The following SLC4A10 variants were observed in gnomAD, a reference collection of about 807,000 sequenced individuals.
SLC4A10 encodes sodium-driven chloride bicarbonate exchanger.
Under a neutral mutation model 137.7 loss-of-function variants are expected in SLC4A10, and 42 were observed. That is an observed-to-expected ratio of 0.30 (90% CI 0.24 to 0.39). SLC4A10 has a LOEUF of 0.39. Among genes scored for constraint, SLC4A10 ranks in the 10% least tolerant of loss-of-function variants. The pLI is 1.00. For synonymous variants in SLC4A10, 474 were observed against 464.1 expected (o/e 1.02, Z -0.27); for missense variants, 925 against 1,355.0 (o/e 0.68, Z 4.98).
chr2:161,929,117 G>A (rs928290786), intron 15 of SLC4A10, among the ~76,000 whole-genome samples: 2 of 151,726 alleles, frequency 1.3e-5, no homozygotes, highest in African/African-American at 4.8e-5. Flanking sequence ...ACCATCTTAG[G>A]GAATTCTATT....
At chr2:161,887,067 T>C (rs927209772) in intron 10 of SLC4A10, among the ~76,000 whole-genome samples, 1 of 152,130 alleles carries the variant, frequency 6.6e-6, no homozygotes, top group South Asian at 2.1e-4. Flanking sequence ...CTGTGTTAGT[T>C]TGCTGAGAGT....
At chr2:161,744,038 T>G (rs1026856549) in intron 1 of SLC4A10, among the ~76,000 whole-genome samples, 3 of 152,082 alleles carry the variant, frequency 2.0e-5, no homozygotes, top group Admixed American at 6.6e-5. Flanking sequence ...TTTTGTGGAG[T>G]CTTTACTTTC....
chr2:161,788,136 C>G (rs1442232911), intron 2 of SLC4A10, among the ~76,000 whole-genome samples: 3 of 150,714 alleles, frequency 2.0e-5, no homozygotes, highest in Non-Finnish European at 4.4e-5. Context: ...GATTGTTTGG[C>G]TTCTTTTCTG....
At chr2:161,732,914 A>G (rs569040870) in intron 1 of SLC4A10, among the ~76,000 whole-genome samples, 1 of 152,288 alleles carries the variant, frequency 6.6e-6, no homozygotes, top group African/African-American at 2.4e-5. Flanking sequence ...CCCCTGCCCT[A>G]GTGATTTCTG....
At chr2:161,894,275 A>G (rs556672603) in intron 10 of SLC4A10, among the ~76,000 whole-genome samples, 22 of 152,130 alleles carry the variant, frequency 1.4e-4, no homozygotes, top group Non-Finnish European at 2.6e-4. Flanking sequence ...AAATTAATTT[A>G]TTTATGCCAG....
At chr2:161,668,707 A>G (rs575409889) in intron 1 of SLC4A10, among the ~76,000 whole-genome samples, 2 of 152,034 alleles carry the variant, frequency 1.3e-5, no homozygotes, top group East Asian at 3.9e-4. Context: ...AAGTTATAAT[A>G]TAGTCTTTTG....
At chr2:161,895,502 G>T (rs62188812) in intron 11 of SLC4A10, among the ~76,000 whole-genome samples, 10,417 of 151,978 alleles carry the variant, frequency 0.069, 458 homozygotes, top group East Asian at 0.13. Flanking sequence ...ACTTCCACAA[G>T]GGTTGAACTA....
chr2:161,934,733 G>A (rs560107191), intron 15 of SLC4A10, among the ~76,000 whole-genome samples: 1 of 151,990 alleles, frequency 6.6e-6, no homozygotes, highest in African/African-American at 2.4e-5. Context: ...TTGGCTATTT[G>A]TATGTCTTCT....
intron 26 of SLC4A10, among the ~76,000 whole-genome samples, chr2:161,979,117 T>C (rs1344848678): frequency 6.6e-6 from 1 of 152,188 alleles, no homozygotes; most frequent in Non-Finnish European, 1.5e-5. Flanking sequence ...CCCTTGATGG[T>C]CAATGTGTTG....
At chr2:161,668,108 A>G (rs939411038) in intron 1 of SLC4A10, among the ~76,000 whole-genome samples, 1 of 151,822 alleles carries the variant, frequency 6.6e-6, no homozygotes, top group African/African-American at 2.4e-5. Context: ...GTTGTCTAAT[A>G]AACAACTCTG....
At chr2:161,954,777 TAGAAA>T (rs1204421218) in intron 19 of SLC4A10, among the ~76,000 whole-genome samples, 4 of 152,224 alleles carry the variant, frequency 2.6e-5, no homozygotes, top group Admixed American at 1.3e-4. Flanking sequence ...TTTATAAATT[TAGAAA>T]AGAAATTATT....
chr2:161,640,856 C>T (rs2035219207), intron 1 of SLC4A10, among the ~76,000 whole-genome samples: 1 of 151,984 alleles, frequency 6.6e-6, no homozygotes, highest in East Asian at 1.9e-4. Flanking sequence ...AATCACAGCT[C>T]AAATGAAACA....
chr2:161,686,843 G>GT (rs1299613246), intron 1 of SLC4A10, among the ~76,000 whole-genome samples: 4 of 151,798 alleles, frequency 2.6e-5, no homozygotes, highest in African/African-American at 4.8e-5. Context: ...AGGGCTGCTG[G>GT]TTGCCCATTT....
In SLC4A10 at chr2:161,903,994, C is replaced by G. The variant is rs766523642; in HGVS notation, c.1443-10C>G. 40 of 1,556,218 alleles carry G rather than the reference C, an allele frequency of 2.6e-5. No individual in the cohort carries two copies. The highest frequency in any genetic ancestry group is 1.2e-4 in the Admixed American group (6 of 50,900). On this transcript the variant is annotated splice_polypyrimidine_tract_variant and intron_variant, in intron 12 of 26. Transcript: ENST00000446997. ...TGGGTTTCACTATTGTGTTTTCCCC[C>G]CTGTCTTAGGATTTTTGGGGGACTT...
At chr2:161,911,902 ATAAACTTT>A (rs1685950672) in intron 15 of SLC4A10, among the ~76,000 whole-genome samples, 1 of 152,160 alleles carries the variant, frequency 6.6e-6, no homozygotes, top group South Asian at 2.1e-4. Flanking sequence ...TATTCAATAA[ATAAACTTT>A]TAGCAACTCC....
At chr2:161,703,018 C>T (rs965108718) in intron 1 of SLC4A10, among the ~76,000 whole-genome samples, 20 of 151,708 alleles carry the variant, frequency 1.3e-4, no homozygotes, top group African/African-American at 4.8e-4. Context: ...TACATAGAGA[C>T]TGTGTGATAA....
intron 8 of SLC4A10, among the ~76,000 whole-genome samples, chr2:161,876,059 G>T (rs751321624): frequency 7.9e-5 from 12 of 152,214 alleles, no homozygotes; most frequent in Middle Eastern, 3.4e-3. Context: ...CCCTAGAAAT[G>T]TAACTGTTTC....
At chr2:161,723,287 G>T (rs995418817) in intron 1 of SLC4A10, among the ~76,000 whole-genome samples, 5 of 152,156 alleles carry the variant, frequency 3.3e-5, no homozygotes, top group Admixed American at 3.3e-4. Context: ...TTGGCTGGGG[G>T]TGGGAGCTTC....
rs184442554 is a variant in SLC4A10 at position 161,783,644 on chromosome 2, G to A, written c.130+12590G>A. Among the ~76,000 whole-genome samples the A allele has an allele frequency of 9.9e-5, 15 of 151,980 alleles. No individual in the cohort carries two copies. In the East Asian group the frequency reaches 2.9e-3, roughly 29 times the overall value. ...ACAATAACAAAATGTGTATGGGAAG[G>A]AGAGTAAAAAGAGGCATATTTTTGT... On this transcript the variant is annotated intron_variant, in intron 2 of 26. Transcript: ENST00000446997.
Sources: gnomAD v4.1 joint callset for allele counts (sites outside exome capture counted in the v4.1 genomes callset) on GRCh38, gnomAD v4.1.1 for gene constraint, MANE v1.5 for transcripts, NCBI Gene and HGNC (gene_info 2026-07-23, HGNC 2026-07-21) for gene names.